BOD1L1: variants seen among roughly 807,000 people sequenced by gnomAD.
BOD1L1 encodes biorientation of chromosomes in cell division 1 like 1, also known as biorientation of chromosomes in cell division protein 1-like 1.
Under a neutral mutation model 240.7 loss-of-function variants are expected in BOD1L1, and 86 were observed. That is an observed-to-expected ratio of 0.36 (90% CI 0.30 to 0.43). BOD1L1 has a LOEUF of 0.43. BOD1L1 is among the 20% of genes least tolerant of loss of function. The pLI is 1.00. For synonymous variants in BOD1L1, 1,268 were observed against 1,272.3 expected (o/e 1.00, Z 0.07); for missense variants, 3,554 against 3,643.5 (o/e 0.98, Z 0.63).
rs979112219 is a variant in BOD1L1, at chr4:13,576,865, C to A, written c.9011G>T (p.Arg3004Ile). The change falls in exon 25 of 26, where the codon AGA becomes ATA. Residue 3004 changes from arginine to isoleucine, a missense_variant. Arg to Ile is a moderately conservative substitution (Grantham distance 97, BLOSUM62 -3). This residue lies in a region of BOD1L1 where 3,393 missense variants were observed against 3,427.1 expected (regional missense o/e 0.99). Coordinates refer to ENST00000040738, the MANE Select transcript of BOD1L1 (RefSeq NM_148894.3). ...EEDEPSGATT[R>I]STTRSEAQRS... is the part of the protein sequence containing the mutation. ...CTGAGCCTCTGATCTGGTGGTGGATCTTGTGGTGGCTCCTGAAGGCTCGTC... is the reference window on the plus strand; with the variant it reads ...CTGAGCCTCTGATCTGGTGGTGGATATTGTGGTGGCTCCTGAAGGCTCGTC... The A allele has an allele frequency of 6.2e-7, 1 of 1,614,018 alleles. No individual in the cohort carries two copies. Among genetic ancestry groups the A allele is most frequent in the African/African-American group, 1.3e-5 (1 of 75,070 alleles).
chr4:13,599,829 TG>T lies in BOD1L1; in HGVS notation c.7070del (p.Pro2357GlnfsTer12), dbSNP rs1714955917. 1.2e-6 allele frequency: 2 copies of T among 1,613,922 alleles called. No homozygotes were observed. The highest frequency in any genetic ancestry group is 2.7e-5 in the African/African-American group (2 of 74,934). ...HEENQLTADN[P>X]EGNGDLSATE... Reference sequence around the variant, plus strand: ...TGGCTGACAGGTCACCGTTCCCTTCTGGGTTGTCTGCAGTCAGCTGATTCTC... The same window carrying T: ...TGGCTGACAGGTCACCGTTCCCTTCTGGTTGTCTGCAGTCAGCTGATTCTC... On this transcript the variant is annotated frameshift_variant, in exon 10 of 26. Coordinates refer to ENST00000040738, the MANE Select transcript of BOD1L1 (RefSeq NM_148894.3). LOFTEE classifies it high-confidence loss of function.
intron 12 of BOD1L1, among the ~76,000 whole-genome samples, chr4:13,594,497 G>A (rs959761572): frequency 6.6e-6 from 1 of 152,152 alleles, no homozygotes; most frequent in South Asian, 2.1e-4. Flanking sequence ...ATCCACAAGG[G>A]CCAAACTAAC....
chr4:13,601,519 G>A lies in BOD1L1; in HGVS notation c.5381C>T (p.Thr1794Met), dbSNP rs1310527293. The A allele has an allele frequency of 1.9e-6, 3 of 1,613,790 alleles. No individual in the cohort carries two copies. Among genetic ancestry groups the A allele is most frequent in the Non-Finnish European group, 2.5e-6 (3 of 1,179,878 alleles). Residue 1794 changes from threonine (T) to methionine (M), a missense_variant, in exon 10 of 26, where the codon ACG becomes ATG. Physicochemically the swap from Thr to Met is moderately conservative, Grantham distance 81. This residue lies in a region of BOD1L1 where 3,393 missense variants were observed against 3,427.1 expected (regional missense o/e 0.99). Transcript: ENST00000040738. Reference sequence around the variant, plus strand: ...CCCCTCTCCATCTTCTGTTATCCCCGTGCTGGTGACTGCACTCTCACCTTC... The same window carrying A: ...CCCCTCTCCATCTTCTGTTATCCCCATGCTGGTGACTGCACTCTCACCTTC... ...GTEGESAVTS[T>M]GITEDGEGPA...
Position 13,617,196 on chromosome 4 carries a change from G to T in BOD1L1, c.369-1694C>A, listed in dbSNP as rs1248448916. Among the ~76,000 whole-genome samples, 3 of 138,304 alleles carry T rather than the reference G, an allele frequency of 2.2e-5. No homozygotes were observed. In the Admixed American group the frequency reaches 2.5e-4, roughly 12 times the overall value. 90.7% of individuals were successfully genotyped at this position (138,304 alleles called of 152,430 possible). On this transcript the variant is annotated intron_variant, in intron 2 of 25. Transcript: ENST00000040738. ...GGAGGCAGAGATTGCAGTGAGCTGA[G>T]ATGGCACCACTGCACTCCACCCTGG...
chr4:13,602,707 T>C lies in BOD1L1; in HGVS notation c.4193A>G (p.Glu1398Gly). 1 of 1,614,050 alleles carries C rather than the reference T, an allele frequency of 6.2e-7. No individual in the cohort carries two copies. Among genetic ancestry groups the C allele is most frequent in the Non-Finnish European group, 8.5e-7 (1 of 1,179,898 alleles). The part of the protein sequence containing the change: ...SKLTGVIVEN[E>G]NITKEGGLVD... ...TAAGCCACCTTCTTTGGTAATATTC[T>C]CATTTTCCACAATCACGCCCGTTAA... The change falls in exon 10 of 26, where the codon GAG becomes GGG. Residue 1398 changes from glutamate (E) to glycine (G), a missense_variant. Glu to Gly is a moderately conservative substitution (Grantham distance 98). Coordinates refer to ENST00000040738, the MANE Select transcript of BOD1L1 (RefSeq NM_148894.3).
intron 17 of BOD1L1, 36 bp downstream of exon 17, chr4:13,586,360 C>G (rs1252666564): frequency 2.8e-6 from 4 of 1,443,682 alleles, no homozygotes; most frequent in South Asian, 2.4e-5. Flanking sequence ...TCCCTACCCC[C>G]ACCCAAAACT....
intron 12 of BOD1L1, chr4:13,593,546 T>G (rs1256664483): frequency 6.6e-6 from 1 of 152,152 alleles, no homozygotes; most frequent in African/African-American, 2.4e-5. Context: ...ATATTTTACT[T>G]TCTATAATTA....
chr4:13,587,880 A>C (rs1036451773), intron 15 of BOD1L1, 109 bp from the exon 16 acceptor site: 1 of 752,276 alleles, frequency 1.3e-6, no homozygotes, highest in Non-Finnish European at 2.1e-6. Flanking sequence ...TGATATATAA[A>C]TTTTTTAAAA....
chr4:13,601,901 A>AAGAACCATCACATTTT lies in BOD1L1; in HGVS notation c.4983_4998dup (p.Leu1667LysfsTer3). Reference sequence around the variant, plus strand: ...TCAACTATTTCTGAGTCTCTACTTAAAGAACCATCACATTTTTCTTCAGAG... The same window carrying AAGAACCATCACATTTT: ...TCAACTATTTCTGAGTCTCTACTTAAAGAACCATCACATTTTAGAACCATCACATTTTTCTTCAGAG... On this transcript the variant is annotated stop_gained and frameshift_variant, in exon 10 of 26. Coordinates refer to ENST00000040738, the MANE Select transcript of BOD1L1 (RefSeq NM_148894.3). LOFTEE classifies it high-confidence loss of function. 6.2e-7 allele frequency: 1 copy of AAGAACCATCACATTTT among 1,613,944 alleles called. No individual in the cohort carries two copies. Among genetic ancestry groups the AAGAACCATCACATTTT allele is most frequent in the East Asian group, 2.2e-5 (1 of 44,868 alleles).
chr4:13,620,169 T>A, intron 1 of BOD1L1, 102 bp from the exon 2 acceptor site: 2 of 1,214,586 alleles, frequency 1.6e-6, no homozygotes, highest in Non-Finnish European at 2.2e-6. Flanking sequence ...TTTCACAGTT[T>A]CTGACAATTC....
In BOD1L1 at chr4:13,614,268, CTTT is replaced by C. The variant is rs1339970095; in HGVS notation, c.1099_1101del (p.Lys367del). The C allele has an allele frequency of 6.5e-6, 10 of 1,545,878 alleles. No homozygotes were observed. The highest frequency in any genetic ancestry group is 8.7e-6 in the Non-Finnish European group (10 of 1,145,392). ...GAAGGAAGTTTTAAACTCTCTACTTCTTTTTCCTTTGCTTGTTTTTCATCTTTA... is the reference window on the plus strand; with the variant it reads ...GAAGGAAGTTTTAAACTCTCTACTTCTTCCTTTGCTTGTTTTTCATCTTTA... On this transcript the variant is annotated inframe_deletion, in exon 4 of 26. Transcript: ENST00000040738.
At position 13,602,777 on chromosome 4, in the gene BOD1L1, A is replaced by G; in HGVS notation, c.4123T>C (p.Leu1375=). 1.2e-6 allele frequency: 2 copies of G among 1,613,992 alleles called. No homozygotes were observed. The highest frequency in any genetic ancestry group is 1.7e-6 in the Non-Finnish European group (2 of 1,179,880). Residue 1375 remains leucine (L), a synonymous_variant, in exon 10 of 26, where the codon TTG becomes CTG. Transcript: ENST00000040738. Reference sequence around the variant, plus strand: ...ATTACCTTTCCTTGTTTACCATCCAATAAAGTAGCCTGGTGAGCTTCTGGA... The same window carrying G: ...ATTACCTTTCCTTGTTTACCATCCAGTAAAGTAGCCTGGTGAGCTTCTGGA... The part of the protein sequence containing the change: ...HIPEAHQATL[L]DGKQGKVIMP...
Position 13,600,184 on chromosome 4 carries a change from T to C in BOD1L1, c.6716A>G (p.Glu2239Gly). 1 of 1,613,976 alleles carries C rather than the reference T, an allele frequency of 6.2e-7. No homozygotes were observed. Among genetic ancestry groups the C allele is most frequent in the Non-Finnish European group, 8.5e-7 (1 of 1,179,874 alleles). The change falls in exon 10 of 26, where the codon GAA becomes GGA. Residue 2239 changes from glutamate to glycine, a missense_variant. Glu to Gly is a moderately conservative substitution (Grantham distance 98). This residue lies in a region of BOD1L1 where 3,393 missense variants were observed against 3,427.1 expected (regional missense o/e 0.99). Transcript: ENST00000040738. Reference sequence around the variant, plus strand: ...CATGACTGTGCCAGCTCGCTCATTTTCACTTTCAACAACTACACCGGAAAC... The same window carrying C: ...CATGACTGTGCCAGCTCGCTCATTTCCACTTTCAACAACTACACCGGAAAC... ...ASVSGVVVES[E>G]NERAGTVMEE...
chr4:13,621,246 A>G (rs900272723), intron 1 of BOD1L1, among the ~76,000 whole-genome samples: 2 of 152,178 alleles, frequency 1.3e-5, no homozygotes, highest in African/African-American at 2.4e-5. Context: ...TGTTCTTTCT[A>G]CCTTTCTTCT....
chr4:13,585,140 G>A (rs1331761982), intron 17 of BOD1L1, among the ~76,000 whole-genome samples: 3 of 152,132 alleles, frequency 2.0e-5, no homozygotes, highest in South Asian at 2.1e-4. Flanking sequence ...GGCAGGGTGA[G>A]GGATAGTTTA....
Position 13,619,932 on chromosome 4 carries a change from C to G in BOD1L1, c.368+11G>C. ...TTAAAACCTGCCCAGAACTCTATCT[C>G]TGAGACTTACTTGAGGACTTGTTGT... On this transcript the variant is annotated intron_variant, in intron 2 of 25. Transcript: ENST00000040738. 1 of 1,612,410 alleles carries G rather than the reference C, an allele frequency of 6.2e-7. No individual in the cohort carries two copies. The highest frequency in any genetic ancestry group is 8.5e-7 in the Non-Finnish European group (1 of 1,179,120).
At position 13,602,322 on chromosome 4, in the gene BOD1L1, T is replaced by C. The variant is rs1328374834; in HGVS notation, c.4578A>G (p.Lys1526=). Residue 1526 remains lysine, a synonymous_variant, in exon 10 of 26, where the codon AAA becomes AAG. Transcript: ENST00000040738. The part of the protein sequence containing the change: ...SVATSTEGKD[K]DVTLSPVKAG... ...CCTTCACTGGACTTAAGGTGACATCTTTGTCCTTCCCTTCAGTACTAGTGG... is the reference window on the plus strand; with the variant it reads ...CCTTCACTGGACTTAAGGTGACATCCTTGTCCTTCCCTTCAGTACTAGTGG... 1 of 1,613,998 alleles carries C rather than the reference T, an allele frequency of 6.2e-7. No individual in the cohort carries two copies. Among genetic ancestry groups the C allele is most frequent in the Non-Finnish European group, 8.5e-7 (1 of 1,179,894 alleles).
intron 6 of BOD1L1, 117 bp downstream of exon 6, chr4:13,610,817 C>T: frequency 1.2e-6 from 1 of 816,992 alleles, no homozygotes; most frequent in South Asian, 2.5e-5. Flanking sequence ...GACAAGTTTC[C>T]TGAAGGCAAA....
In BOD1L1 at chr4:13,600,711, C is replaced by T; in HGVS notation, c.6189G>A (p.Gly2063=). The T allele has an allele frequency of 6.2e-7, 1 of 1,613,912 alleles. No individual in the cohort carries two copies. The highest frequency in any genetic ancestry group is 1.7e-5 in the Admixed American group (1 of 60,012). ...GDITNQNSLA[G]GKNQGKVLII... is the part of the protein sequence containing the mutation. ...TCAAAACTTTGCCTTGATTTTTACC[C>T]CCTGCTAAGCTATTCTGGTTGGTAA... Residue 2063 remains glycine, a synonymous_variant, in exon 10 of 26, where the codon GGG becomes GGA. Coordinates refer to ENST00000040738, the MANE Select transcript of BOD1L1 (RefSeq NM_148894.3).
Sources: allele counts gnomAD v4.1 joint callset (sites outside exome capture counted in the v4.1 genomes callset), GRCh38; gene constraint gnomAD v4.1.1; regional missense constraint gnomAD v4.1.1; transcripts MANE v1.5; gene names NCBI Gene and HGNC (gene_info 2026-07-23, HGNC 2026-07-21).